Variants in ZNF496 observed in about 807,000 individuals in gnomAD.
The protein encoded by ZNF496 is zinc finger protein 496.
A neutral mutation model predicts 58.9 loss-of-function variants in ZNF496; 11 were observed. That is an observed-to-expected ratio of 0.19 (90% CI 0.12 to 0.31). The LOEUF is 0.31. Ranked by LOEUF, ZNF496 falls within the 10% of genes least tolerant of loss-of-function variation. The probability of loss-of-function intolerance (pLI) is 1.00; values close to 1 mark genes in which losing one functional copy is unlikely to be tolerated. For missense variants in ZNF496, 660 were observed against 783.0 expected (o/e 0.84, Z 1.88); for synonymous variants, 338 against 318.2 (o/e 1.06, Z -0.66).
At chr1:247,307,423 G>T in intron 9 of ZNF496, 2 of 985,428 alleles carry the variant, frequency 2.0e-6, no homozygotes, top group South Asian at 9.4e-5. Context: ...AAAGTATATT[G>T]ATGGGGCTGA....
intron 6 of ZNF496, among the ~76,000 whole-genome samples, chr1:247,321,036 C>T (rs768306349): frequency 1.5e-4 from 23 of 152,008 alleles, no homozygotes; most frequent in Admixed American, 3.9e-4. Flanking sequence ...ATTAGCCAAG[C>T]GTGGTTGCGG....
intron 4 of ZNF496, 84 bp from the exon 5 acceptor site, chr1:247,328,950 G>T: frequency 1.3e-6 from 2 of 1,490,448 alleles, no homozygotes; most frequent in South Asian, 1.3e-5. Flanking sequence ...CTCCACAGCT[G>T]ACCATCAAAG....
At position 247,305,752 on chromosome 1, in the gene ZNF496, C is replaced by T. The variant is rs138735165; in HGVS notation, c.1006+2723G>A. Among the ~76,000 whole-genome samples the T allele has an allele frequency of 2.3e-3, 349 of 152,246 alleles. 1 individual carries two copies. Among genetic ancestry groups the T allele is most frequent in the African/African-American group, 7.3e-3 (305 of 41,518 alleles). Reference sequence around the variant, plus strand: ...GCAAGGCATAAAACCAAAAAGATGACGAATAAGTGTACCTACAGTTAAAAA... The same window carrying T: ...GCAAGGCATAAAACCAAAAAGATGATGAATAAGTGTACCTACAGTTAAAAA... On this transcript the variant is annotated intron_variant, in intron 9 of 9. Transcript: ENST00000682384.
At position 247,309,801 on chromosome 1, in the gene ZNF496, G is replaced by A. The variant is rs16846542; in HGVS notation, c.790C>T (p.Leu264=). The A allele has an allele frequency of 9.2e-4, 1,479 of 1,614,168 alleles. 9 individuals are homozygous for A. In the African/African-American group the frequency reaches 0.013, roughly 14 times the overall value. Residue 264 remains leucine (L), a synonymous_variant, in exon 8 of 10, where the codon CTA becomes TTA. Transcript: ENST00000682384. The surrounding 1 kb of genome is among the most constrained non-coding windows in gnomAD (Gnocchi z 4.3). ...DYGVSMPPND[L]AAQPDLSQGE... Reference sequence around the variant, plus strand: ...TGGGAGAGATCTGGCTGGGCAGCTAGGTCGTCTGTTCAAAGAAAAAGGCAG... The same window carrying A: ...TGGGAGAGATCTGGCTGGGCAGCTAAGTCGTCTGTTCAAAGAAAAAGGCAG...
chr1:247,323,852 T>G (rs748549533), intron 5 of ZNF496, among the ~76,000 whole-genome samples: 3 of 151,812 alleles, frequency 2.0e-5, no homozygotes, highest in Non-Finnish European at 2.9e-5. Flanking sequence ...TGGTGGCTCA[T>G]GCCTGTAATC....
In ZNF496 at chr1:247,326,903, T is replaced by C. The variant is rs563444405; in HGVS notation, c.574+1780A>G. 3.6e-3 allele frequency among the ~76,000 whole-genome samples: 551 copies of C among 152,220 alleles called. 4 individuals carry two copies. The highest frequency in any genetic ancestry group is 0.012 in the African/African-American group (516 of 41,518). On this transcript the variant is annotated intron_variant, in intron 5 of 9. Transcript: ENST00000682384. ...GTTACACCTGCTCTGCAAACTTCTCTTAGTGTAAACATCTTCCTCTTCCTT... is the reference window on the plus strand; with the variant it reads ...GTTACACCTGCTCTGCAAACTTCTCCTAGTGTAAACATCTTCCTCTTCCTT...
In ZNF496 at chr1:247,308,736, G is replaced by A; in HGVS notation, c.893-148C>T. The A allele has an allele frequency of 1.5e-6, 1 of 666,260 alleles. No individual in the cohort carries two copies. The highest frequency in any genetic ancestry group is 1.9e-5 in the South Asian group (1 of 53,918). 41.3% of individuals were successfully genotyped at this position (666,260 alleles called of 1,614,324 possible). On this transcript the variant is annotated intron_variant, in intron 8 of 9. Transcript: ENST00000682384. This position sits in a 1 kb window ranked among gnomAD's most constrained non-coding sequence, Gnocchi z 4.5. ...CTGGCAGGGGGTGGCCACTCAATAA[G>A]TGTCTGCTGAGTGAATGAACCTGAA...
chr1:247,322,785 A>T (rs1464447025), intron 6 of ZNF496: 10 of 1,297,662 alleles, frequency 7.7e-6, no homozygotes, highest in Non-Finnish European at 1.0e-5. Context: ...TGCTGCGATG[A>T]TTATTAAATT....
intron 6 of ZNF496, among the ~76,000 whole-genome samples, chr1:247,316,599 C>T (rs1213640439): frequency 6.6e-6 from 1 of 152,150 alleles, no homozygotes; most frequent in Non-Finnish European, 1.5e-5. Context: ...GATGGAGCCC[C>T]TCAACCCGAA....
At position 247,299,456 on chromosome 1, in the gene ZNF496, C is replaced by G. The variant is rs922752625; in HGVS notation, c.*1063G>C. ...ACTCTGAGGACACCCTGATCTTGGA[C>G]GTGCACCTCCCAGAACTGTCAGGGA... On this transcript the variant is annotated 3_prime_UTR_variant, in exon 10 of 10. Transcript: ENST00000682384. 6.6e-6 allele frequency: 1 copy of G among 152,274 alleles called. No individual in the cohort carries two copies. The highest frequency in any genetic ancestry group is 2.4e-5 in the African/African-American group (1 of 41,454). 9.4% of individuals were successfully genotyped at this position (152,274 alleles called of 1,614,324 possible).
chr1:247,331,256 G>A (rs1041020655), intron 2 of ZNF496, among the ~76,000 whole-genome samples, 176 bp downstream of exon 2: 1 of 152,258 alleles, frequency 6.6e-6, no homozygotes, highest in Admixed American at 6.5e-5. Flanking sequence ...TGAGGCGGAG[G>A]AGGGCCCCGC....
intron 9 of ZNF496, chr1:247,307,773 C>A: frequency 4.1e-6 from 4 of 985,424 alleles, no homozygotes; most frequent in African/African-American, 1.7e-5. Flanking sequence ...CAGAAAACTA[C>A]AATGACACGT....
chr1:247,324,504 T>G (rs1452185254), intron 5 of ZNF496, among the ~76,000 whole-genome samples: 1 of 150,856 alleles, frequency 6.6e-6, no homozygotes, highest in East Asian at 2.0e-4. Flanking sequence ...GTATATGAGG[T>G]AATGCATTAT....
At chr1:247,326,029 T>TAC (rs1196598820) in intron 5 of ZNF496, among the ~76,000 whole-genome samples, 3 of 138,790 alleles carry the variant, frequency 2.2e-5, no homozygotes, top group Non-Finnish European at 4.6e-5. Context: ...TATATATATA[T>TAC]ACACACGCAT....
intron 5 of ZNF496, among the ~76,000 whole-genome samples, chr1:247,323,451 CTG>C (rs1327630236): frequency 1.3e-5 from 2 of 152,176 alleles, no homozygotes; most frequent in African/African-American, 4.8e-5. Context: ...GAAAAGTACT[CTG>C]TAAACCACAA....
intron 5 of ZNF496, among the ~76,000 whole-genome samples, chr1:247,325,454 T>C (rs1439689516): frequency 6.6e-6 from 1 of 152,258 alleles, no homozygotes; most frequent in Non-Finnish European, 1.5e-5. Flanking sequence ...TAACTATACA[T>C]TGTGAAATGA....
chr1:247,307,930 C>T (rs1003712606), intron 9 of ZNF496: 1 of 985,308 alleles, frequency 1.0e-6, no homozygotes, highest in African/African-American at 1.7e-5. Context: ...AGGAATGGAA[C>T]ATACACTTTC....
rs1376956004 is a variant in ZNF496 at position 247,329,112 on chromosome 1, GC to G, written c.390+76del. ...TCTCGATGGAACTCCTCATTCCCCA[GC>G]CAGCACATGCATGGCCCAGCCAAAG... On this transcript the variant is annotated intron_variant, in intron 4 of 9. Transcript: ENST00000682384. This position sits in a 1 kb window ranked among gnomAD's most constrained non-coding sequence, Gnocchi z 5.5. The G allele has an allele frequency of 9.4e-6, 15 of 1,599,268 alleles. No homozygotes were observed. Among genetic ancestry groups the G allele is most frequent in the Non-Finnish European group, 1.2e-5 (14 of 1,170,606 alleles).
chr1:247,331,673 C>T (rs1165163206), intron 1 of ZNF496, 26 bp from the exon 2 acceptor site: 1 of 151,884 alleles, frequency 6.6e-6, no homozygotes, highest in African/African-American at 2.4e-5. Context: ...GTTGCTTTCT[C>T]CCCCGCCCGC....
Sources: allele counts gnomAD v4.1 joint callset (sites outside exome capture counted in the v4.1 genomes callset), GRCh38; gene constraint gnomAD v4.1.1; non-coding constraint Gnocchi (gnomAD v3.1); transcripts MANE v1.5; gene names NCBI Gene and HGNC (gene_info 2026-07-23, HGNC 2026-07-21).